SUMO3: variants seen among roughly 807,000 people sequenced by gnomAD.
SUMO3 encodes the protein small ubiquitin-related modifier 3.
Under a neutral mutation model 11.1 loss-of-function variants are expected in SUMO3, and 2 were observed. The observed-to-expected ratio is 0.18, with a 90% CI of 0.07 to 0.57. SUMO3 has a LOEUF of 0.57. Ranked by LOEUF, SUMO3 falls within the 20% of genes least tolerant of loss-of-function variation. The probability of loss-of-function intolerance (pLI) is 0.92; values close to 1 mark genes in which losing one functional copy is unlikely to be tolerated. For synonymous variants in SUMO3, 56 were observed against 53.5 expected, an observed-to-expected ratio of 1.05 and a Z score of -0.20; for missense variants, 70 against 132.8, an observed-to-expected ratio of 0.53 and a Z score of 2.32.
In SUMO3 at chr21:44,807,826, CCT is replaced by C. The variant is rs1164029235; in HGVS notation, c.223-788_223-787del. ...CGGTCCACCTGTCCACAGCCAGCCC[CCT>C]GACCCCCAGTCAAGCCCCAGAGACT... On this transcript the variant is annotated intron_variant, in intron 3 of 3. Transcript: ENST00000332859. The surrounding 1 kb of genome is among the most constrained non-coding windows in gnomAD (Gnocchi z 4.3). Among the ~76,000 whole-genome samples the C allele has an allele frequency of 1.3e-5, 2 of 152,184 alleles. No homozygotes were observed. The highest frequency in any genetic ancestry group is 1.5e-5 in the Non-Finnish European group (1 of 68,036).
At chr21:44,813,171 G>C (rs1282865818) in intron 2 of SUMO3, among the ~76,000 whole-genome samples, 2 of 152,194 alleles carry the variant, frequency 1.3e-5, no homozygotes, top group Non-Finnish European at 2.9e-5. Flanking sequence ...TAAAATAAAA[G>C]GGCAACGAGT....
At chr21:44,815,711 G>T (rs983449544) in intron 1 of SUMO3, among the ~76,000 whole-genome samples, 1 of 152,154 alleles carries the variant, frequency 6.6e-6, no homozygotes, top group Non-Finnish European at 1.5e-5. Context: ...CCCCCACAGG[G>T]TAATGGCTGC....
At position 44,809,027 on chromosome 21, in the gene SUMO3, A is replaced by T. The variant is rs1376577533; in HGVS notation, c.222+20T>A. ...ACAAATCGGAAGTCGCCCTGGAACC[A>T]CGCGAAGCCAGCTCCGTACCTGTGC... On this transcript the variant is annotated intron_variant, in intron 3 of 3. Coordinates refer to ENST00000332859, the MANE Select transcript of SUMO3 (RefSeq NM_006936.3). 1 of 1,612,730 alleles carries T rather than the reference A, an allele frequency of 6.2e-7. No individual in the cohort carries two copies. The highest frequency in any genetic ancestry group is 1.1e-5 in the South Asian group (1 of 91,048).
At position 44,811,074 on chromosome 21, in the gene SUMO3, G is replaced by A. The variant is rs1305503467; in HGVS notation, c.151-1956C>T. 4.3e-5 allele frequency among the ~76,000 whole-genome samples: 5 copies of A among 117,618 alleles called. No homozygotes were observed. The highest frequency in any genetic ancestry group is 2.4e-4 in the East Asian group (1 of 4,124). The allele number at this position is 117,618 out of a possible 152,430, so 77.2% of individuals were successfully genotyped here. ...CACACACCCACACATACACACACAC[G>A]AATGCACACATGCACACACCCACAT... On this transcript the variant is annotated intron_variant, in intron 2 of 3. Transcript: ENST00000332859. This position sits in a 1 kb window ranked among gnomAD's most constrained non-coding sequence, Gnocchi z 5.0.
chr21:44,817,098 C>G (rs1202315951), intron 1 of SUMO3, among the ~76,000 whole-genome samples: 1 of 88,626 alleles, frequency 1.1e-5, no homozygotes, highest in African/African-American at 4.5e-5. Flanking sequence ...ACCAGGGACG[C>G]GATGATGGGG....
chr21:44,815,211 G>A (rs542437295), intron 1 of SUMO3, among the ~76,000 whole-genome samples: 11 of 152,344 alleles, frequency 7.2e-5, no homozygotes, highest in African/African-American at 2.6e-4. Context: ...CCTAAATACA[G>A]GGAGTGGGAT....
At chr21:44,809,176 A>G in intron 2 of SUMO3, 58 bp from the exon 3 acceptor site, 1 of 1,526,844 alleles carries the variant, frequency 6.5e-7, no homozygotes. Context: ...AAGGAAAAGC[A>G]GTGGCCATTA....
At position 44,808,270 on chromosome 21, in the gene SUMO3, T is replaced by TG. The variant is rs1487515048; in HGVS notation, c.222+776dup. 1.0e-5 allele frequency: 3 copies of TG among 290,430 alleles called. No homozygotes were observed. In the East Asian group the frequency reaches 1.7e-4, roughly 16 times the overall value. 18.0% of individuals were successfully genotyped at this position (290,430 alleles called of 1,614,324 possible). ...GCTCATGCCTTTAATCCCAGCACTTTGGGGGGCTGAGGTGGGCAGATCACA... is the reference window on the plus strand; with the variant it reads ...GCTCATGCCTTTAATCCCAGCACTTTGGGGGGGCTGAGGTGGGCAGATCACA... On this transcript the variant is annotated intron_variant, in intron 3 of 3. Transcript: ENST00000332859.
At chr21:44,808,279 G>A (rs1320774618) in intron 3 of SUMO3, 2 of 300,108 alleles carry the variant, frequency 6.7e-6, no homozygotes, top group Non-Finnish European at 1.2e-5. Flanking sequence ...TTGGGGGGCT[G>A]AGGTGGGCAG....
chr21:44,810,648 A>G lies in SUMO3; in HGVS notation c.151-1530T>C, dbSNP rs2146421761. On this transcript the variant is annotated intron_variant, in intron 2 of 3. Transcript: ENST00000332859. The surrounding 1 kb of genome is among the most constrained non-coding windows in gnomAD (Gnocchi z 4.1). ...GGCTGGCCGGAGCCTGGAGGACTCA[A>G]CTCTCAAACTGTAGCATCTGGGCGC... Among the ~76,000 whole-genome samples, 1 of 152,104 alleles carries G rather than the reference A, an allele frequency of 6.6e-6. No individual in the cohort carries two copies. The highest frequency in any genetic ancestry group is 1.5e-5 in the Non-Finnish European group (1 of 67,960).
At chr21:44,808,665 C>T (rs2083192913) in intron 3 of SUMO3, 5 of 1,369,232 alleles carry the variant, frequency 3.7e-6, no homozygotes, top group Non-Finnish European at 4.7e-6. Flanking sequence ...ACATTCTGCC[C>T]ACCCACGTCA....
intron 1 of SUMO3, among the ~76,000 whole-genome samples, chr21:44,817,625 C>G (rs1378775145): frequency 2.7e-5 from 4 of 150,756 alleles, no homozygotes; most frequent in Non-Finnish European, 4.4e-5. Context: ...GGGCGCCGCG[C>G]TCTGCAGGAG....
At position 44,813,865 on chromosome 21, in the gene SUMO3, G is replaced by T. The variant is rs750254252; in HGVS notation, c.150+111C>A. 5.0e-5 allele frequency: 79 copies of T among 1,582,564 alleles called. 1 individual carries two copies. The Admixed American group carries it at 1.3e-3, about 27-fold the overall frequency. On this transcript the variant is annotated intron_variant, in intron 2 of 3. Coordinates refer to ENST00000332859, the MANE Select transcript of SUMO3 (RefSeq NM_006936.3). ...TGCCCATCCACGAAGAGGGCACCTC[G>T]GGCAGCTGCATCTGGGTCCAGCCCC...
In SUMO3 at chr21:44,814,017, T is replaced by C. The variant is rs778485624; in HGVS notation, c.109A>G (p.Thr37Ala). Reference sequence around the variant, plus strand: ...GCCTTCATCAGCTTGCTCAGCGGCGTGTGCCTCTTGATCTTGAACTGCACC... The same window carrying C: ...GCCTTCATCAGCTTGCTCAGCGGCGCGTGCCTCTTGATCTTGAACTGCACC... ...SVVQFKIKRH[T>A]PLSKLMKAYC... Residue 37 changes from threonine (T) to alanine (A), a missense_variant, in exon 2 of 4, where the codon ACG (threonine) becomes GCG (alanine). Coordinates refer to ENST00000332859, the MANE Select transcript of SUMO3 (RefSeq NM_006936.3). 6.2e-7 allele frequency: 1 copy of C among 1,613,538 alleles called. No individual in the cohort carries two copies. Among genetic ancestry groups the C allele is most frequent in the South Asian group, 1.1e-5 (1 of 91,078 alleles).
At position 44,808,249 on chromosome 21, in the gene SUMO3, A is replaced by G. The variant is rs550781821; in HGVS notation, c.222+798T>C. 693 of 276,954 alleles carry G rather than the reference A, an allele frequency of 2.5e-3. 1 individual carries two copies. The highest frequency in any genetic ancestry group is 2.7e-3 in the Non-Finnish European group (402 of 148,936). The allele number at this position is 276,954 out of a possible 1,614,324, so 17.2% of individuals were successfully genotyped here. On this transcript the variant is annotated intron_variant, in intron 3 of 3. Transcript: ENST00000332859. ...CTGTTTCGGCCGGGCGCGTTGGCTC[A>G]TGCCTTTAATCCCAGCACTTTGGGG... is the stretch of plus-strand genomic sequence containing the variant.
rs1047237816 is a variant in SUMO3 at position 44,811,208 on chromosome 21, A to G, written c.151-2090T>C. Among the ~76,000 whole-genome samples, 1 of 152,042 alleles carries G rather than the reference A, an allele frequency of 6.6e-6. No individual in the cohort carries two copies. The highest frequency in any genetic ancestry group is 2.1e-4 in the South Asian group (1 of 4,820). ...CATGCACAAAGACACGGACATACAC[A>G]CCACACACACCTACACTCACGATTC... On this transcript the variant is annotated intron_variant, in intron 2 of 3. Coordinates refer to ENST00000332859, the MANE Select transcript of SUMO3 (RefSeq NM_006936.3). This position sits in a 1 kb window ranked among gnomAD's most constrained non-coding sequence, Gnocchi z 5.0.
intron 3 of SUMO3, chr21:44,808,567 C>A: frequency 7.2e-7 from 1 of 1,387,068 alleles, no homozygotes; most frequent in South Asian, 1.8e-5. Context: ...CAGTATGATG[C>A]CCTGCAACGT....
Position 44,812,053 on chromosome 21 carries a change from CTTTT to C in SUMO3, c.150+1919_150+1922del, listed in dbSNP as rs386394862. Among the ~76,000 whole-genome samples, 692 of 80,994 alleles carry C rather than the reference CTTTT, an allele frequency of 8.5e-3. 6 individuals carry two copies. Among genetic ancestry groups the C allele is most frequent in the South Asian group, 0.027 (47 of 1,724 alleles). The allele number at this position is 80,994 out of a possible 152,430, so 53.1% of individuals were successfully genotyped here. A position where few individuals can be genotyped will look rare whatever the true frequency, so the allele number is the denominator to read the frequency against. On this transcript the variant is annotated intron_variant, in intron 2 of 3. Coordinates refer to ENST00000332859, the MANE Select transcript of SUMO3 (RefSeq NM_006936.3). ...AATCAGAATCCACTGAACTTCTCAC[CTTTT>C]TTTTTTTTTTTTTTTTTTTGAGACA... is the stretch of plus-strand genomic sequence containing the variant.
In SUMO3 at chr21:44,810,116, CA is replaced by C. The variant is rs770939465; in HGVS notation, c.151-999del. ...TCCTGAGGGAATGGAGAAATGTGGT[CA>C]GGGGCAGAAACATTTCCTCAACGAG... On this transcript the variant is annotated intron_variant, in intron 2 of 3. Coordinates refer to ENST00000332859, the MANE Select transcript of SUMO3 (RefSeq NM_006936.3). The surrounding 1 kb of genome is among the most constrained non-coding windows in gnomAD (Gnocchi z 4.1). Among the ~76,000 whole-genome samples, 9 of 152,308 alleles carry C rather than the reference CA, an allele frequency of 5.9e-5. No individual in the cohort carries two copies. Among genetic ancestry groups the C allele is most frequent in the Non-Finnish European group, 1.3e-4 (9 of 68,026 alleles).
Sources: gnomAD v4.1 joint callset for allele counts (sites outside exome capture counted in the v4.1 genomes callset) on GRCh38, gnomAD v4.1.1 for gene constraint, Gnocchi (gnomAD v3.1) non-coding constraint, MANE v1.5 for transcripts, NCBI Gene and HGNC (gene_info 2026-07-23, HGNC 2026-07-21) for gene names.